The following WDR54 variants were observed in gnomAD, a reference collection of about 807,000 sequenced individuals.
WDR54 encodes WD repeat-containing protein 54.
A neutral mutation model predicts 44.1 loss-of-function variants in WDR54; 44 were observed. That is an observed-to-expected ratio of 1.00 (90% CI 0.78 to 1.28). The LOEUF (loss-of-function observed/expected upper bound fraction) is 1.28, where lower values mean the gene tolerates loss of function less well. Ranked by LOEUF, WDR54 falls within the 50% of genes most tolerant of loss-of-function variation. The pLI is 0.00. For synonymous variants in WDR54, 169 were observed against 169.8 expected, an observed-to-expected ratio of 1.00 and a Z score of 0.04; for missense variants, 409 against 429.7, an observed-to-expected ratio of 0.95 and a Z score of 0.43.
In WDR54 at chr2:74,424,908, T is replaced by C. The variant is rs1670300581; in HGVS notation, c.568T>C (p.Ser190Pro). 6.2e-7 allele frequency: 1 copy of C among 1,614,110 alleles called. No individual in the cohort carries two copies. Among genetic ancestry groups the C allele is most frequent in the Admixed American group, 1.7e-5 (1 of 60,014 alleles). Residue 190 changes from serine (S) to proline (P), a missense_variant, in exon 7 of 10, where the codon TCA becomes CCA. Ser to Pro is a moderately conservative substitution (Grantham distance 74). Transcript: ENST00000348227. ...CVADMVTADD[S>P]GLLCVWRSGP... ...GGCTGACATGGTGACGGCAGATGAC[T>C]CAGGCTTGCTGTGTGTCTGGCGGTC...
At chr2:74,425,268 T>C in intron 8 of WDR54, 31 bp downstream of exon 8, 1 of 1,536,102 alleles carries the variant, frequency 6.5e-7, no homozygotes, top group Non-Finnish European at 8.8e-7. Context: ...CTACATACCC[T>C]TTTTCCTGGC....
intron 5 of WDR54, 84 bp downstream of exon 5, chr2:74,423,615 G>A (rs1670222388): frequency 6.4e-7 from 1 of 1,566,362 alleles, no homozygotes; most frequent in Admixed American, 1.7e-5. Context: ...TGAGGAAATT[G>A]TGGAAAGTTA....
At position 74,425,225 on chromosome 2, in the gene WDR54, T is replaced by C; in HGVS notation, c.786T>C (p.Ser262=). 6.5e-7 allele frequency: 1 copy of C among 1,530,818 alleles called. No individual in the cohort carries two copies. The highest frequency in any genetic ancestry group is 8.8e-7 in the Non-Finnish European group (1 of 1,138,392). 94.8% of individuals were successfully genotyped at this position (1,530,818 alleles called of 1,614,324 possible). The change falls in exon 8 of 10, where the codon TCT becomes TCC. Residue 262 remains serine, a synonymous_variant. Transcript: ENST00000348227. ...CCATCTGCGCCCTGGACCTGGCTTC[T>C]GAGGTGGGCAAGGTAAGTCTCCTCC... ...ARAICALDLA[S]EVGKLLSAGE... is the part of the protein sequence containing the mutation.
chr2:74,422,477 C>G, intron 2 of WDR54, 102 bp downstream of exon 2: 4 of 1,328,330 alleles, frequency 3.0e-6, no homozygotes, highest in Non-Finnish European at 4.1e-6. Context: ...TCAGAATCTC[C>G]CCAGGCATGT....
chr2:74,425,128 G>A lies in WDR54; in HGVS notation c.689G>A (p.Gly230Glu), dbSNP rs201001338. 2 of 1,572,582 alleles carry A rather than the reference G, an allele frequency of 1.3e-6. No homozygotes were observed. The highest frequency in any genetic ancestry group is 2.3e-5 in the East Asian group (1 of 44,370). The change falls in exon 8 of 10, where the codon GGG becomes GAG. Residue 230 changes from glycine to glutamate, a missense_variant. Transcript: ENST00000348227. The stretch of plus-strand genomic sequence containing the variant: ...CAGGGGATCATAGCAGCAGGCTATG[G>A]GAACGGACAAGTGCATCTATATGAG... ...LWQGIIAAGY[G>E]NGQVHLYEAT...
Position 74,425,233 on chromosome 2 carries a change from G to GGCC in WDR54, c.794_795insGCC (p.Gly265_Lys266insPro). ...GCCCTGGACCTGGCTTCTGAGGTGG[G>GGCC]CAAGGTAAGTCTCCTCCTCTGTACC... On this transcript the variant is annotated inframe_insertion, in exon 8 of 10. Coordinates refer to ENST00000348227, the MANE Select transcript of WDR54 (RefSeq NM_032118.4). 1 of 1,531,106 alleles carries GGCC rather than the reference G, an allele frequency of 6.5e-7. No individual in the cohort carries two copies. Among genetic ancestry groups the GGCC allele is most frequent in the Non-Finnish European group, 8.8e-7 (1 of 1,138,758 alleles). 94.8% of individuals were successfully genotyped at this position (1,531,106 alleles called of 1,614,324 possible).
At chr2:74,422,749 C>T (rs1035582079) in intron 2 of WDR54, 121 bp from the exon 3 acceptor site, 48 of 916,554 alleles carry the variant, frequency 5.2e-5, no homozygotes, top group Non-Finnish European at 5.7e-5. Flanking sequence ...GCCGAGATGG[C>T]GCCACTGCAC....
chr2:74,425,514 A>T, intron 9 of WDR54, 23 bp downstream of exon 9: 3 of 1,614,150 alleles, frequency 1.9e-6, no homozygotes, highest in Non-Finnish European at 2.5e-6. Flanking sequence ...GGGTGGGTGG[A>T]ATGGGGGGGC....
chr2:74,423,871 G>A lies in WDR54; in HGVS notation c.423G>A (p.Arg141=). Residue 141 remains arginine (R), a synonymous_variant, in exon 6 of 10, where the codon CGG becomes CGA. Transcript: ENST00000348227. The part of the protein sequence containing the change: ...HFICVGTWSG[R]VLVFDIPAKG... ...TGGATACAGGAACGTGGTCAGGCCG[G>A]GTGCTGGTGTTTGACATCCCAGCAA... The A allele has an allele frequency of 6.2e-7, 1 of 1,614,150 alleles. No individual in the cohort carries two copies. Among genetic ancestry groups the A allele is most frequent in the Non-Finnish European group, 8.5e-7 (1 of 1,180,012 alleles).
At chr2:74,424,413 A>G (rs1670261910) in intron 6 of WDR54, among the ~76,000 whole-genome samples, 1 of 152,058 alleles carries the variant, frequency 6.6e-6, no homozygotes, top group South Asian at 2.1e-4. Context: ...TCCCCAAGTA[A>G]TTTGCAAACC....
intron 3 of WDR54, 181 bp from the exon 4 acceptor site, chr2:74,423,138 T>C: frequency 1.2e-6 from 1 of 853,880 alleles, no homozygotes; most frequent in Non-Finnish European, 1.9e-6. Context: ...ACTAGCTGTA[T>C]GTCCTTACAC....
At chr2:74,422,417 T>C (rs1439596829) in intron 2 of WDR54, 42 bp downstream of exon 2, 1 of 1,571,880 alleles carries the variant, frequency 6.4e-7, no homozygotes, top group Non-Finnish European at 8.7e-7. Flanking sequence ...AACCCAGTCC[T>C]ACCCCCAGCC....
Position 74,425,740 on chromosome 2 carries a change from G to GT in WDR54, c.*40dup. The GT allele has an allele frequency of 6.2e-7, 1 of 1,613,292 alleles. No homozygotes were observed. ...CCTTTGTCCCTGTGGTATTCATAAA[G>GT]TACCCGCTCCACCCAGCCTTTGTCT... On this transcript the variant is annotated 3_prime_UTR_variant, in exon 10 of 10. Transcript: ENST00000348227.
Position 74,425,407 on chromosome 2 carries a change from T to C in WDR54, c.799-10T>C, listed in dbSNP as rs747646865. On this transcript the variant is annotated splice_polypyrimidine_tract_variant and intron_variant, in intron 8 of 9. Coordinates refer to ENST00000348227, the MANE Select transcript of WDR54 (RefSeq NM_032118.4). ...AGGGCATTCTGACTCCCCCTCTTCC[T>C]CCTCCACAGCTACTCTCTGCAGGTG... 2.5e-6 allele frequency: 4 copies of C among 1,614,074 alleles called. No homozygotes were observed. The highest frequency in any genetic ancestry group is 2.5e-6 in the Non-Finnish European group (3 of 1,179,980).
At chr2:74,425,394 C>A in intron 8 of WDR54, 23 bp from the exon 9 acceptor site, 1 of 1,613,800 alleles carries the variant, frequency 6.2e-7, no homozygotes, top group Non-Finnish European at 8.5e-7. Flanking sequence ...GGCATTCTGA[C>A]TCCCCCTCTT....
rs1349904101 is a variant in WDR54 at position 74,425,397 on chromosome 2, C to T, written c.799-20C>T. ...CTGTCCCGTCAGGGCATTCTGACTC[C>T]CCCTCTTCCTCCTCCACAGCTACTC... is the stretch of plus-strand genomic sequence containing the variant. On this transcript the variant is annotated intron_variant, in intron 8 of 9. Coordinates refer to ENST00000348227, the MANE Select transcript of WDR54 (RefSeq NM_032118.4). 1.2e-6 allele frequency: 2 copies of T among 1,613,894 alleles called. No homozygotes were observed. Among genetic ancestry groups the T allele is most frequent in the Non-Finnish European group, 1.7e-6 (2 of 1,179,816 alleles).
intron 3 of WDR54, 144 bp downstream of exon 3, chr2:74,423,076 A>G: frequency 2.1e-6 from 2 of 938,888 alleles, no homozygotes; most frequent in East Asian, 2.6e-5. Flanking sequence ...CTTATCTTCA[A>G]TCTTTCCATC....
chr2:74,421,947 C>T (rs1250572982), intron 1 of WDR54, 131 bp downstream of exon 1: 1 of 620,516 alleles, frequency 1.6e-6, no homozygotes, highest in South Asian at 1.9e-5. Context: ...CCCATTCCTC[C>T]TCTGCGATTC....
rs772307425 is a variant in WDR54 at position 74,421,743 on chromosome 2, T to A, written c.-75T>A. On this transcript the variant is annotated 5_prime_UTR_variant, in exon 1 of 10. Transcript: ENST00000348227. ...CGCCCAAGGGCCGTGCGTACGTGCG[T>A]CGTCTCTATGGTGGCGGCGGATTTG... The A allele has an allele frequency of 1.0e-5, 6 of 602,638 alleles. No individual in the cohort carries two copies. The highest frequency in any genetic ancestry group is 2.0e-5 in the South Asian group (1 of 49,910). 37.3% of individuals were successfully genotyped at this position (602,638 alleles called of 1,614,324 possible).
Sources: allele counts gnomAD v4.1 joint callset (sites outside exome capture counted in the v4.1 genomes callset), GRCh38; gene constraint gnomAD v4.1.1; transcripts MANE v1.5; gene names NCBI Gene and HGNC (gene_info 2026-07-23, HGNC 2026-07-21).